Variants in CLEC4A observed in about 807,000 individuals in gnomAD.
The protein encoded by CLEC4A is C-type lectin domain family 4 member A, also known as C-type (calcium dependent, carbohydrate-recognition domain) lectin, superfamily member 6.
Under a neutral mutation model 32.7 loss-of-function variants are expected in CLEC4A, and 27 were observed. The ratio of observed to expected loss-of-function variants is 0.83; its 90% CI spans 0.61 to 1.14. CLEC4A has a LOEUF of 1.14. CLEC4A is among the 50% of genes most tolerant of loss of function. The pLI is 0.00. For missense variants in CLEC4A, 253 were observed against 274.6 expected, an observed-to-expected ratio of 0.92 and a Z score of 0.55; for synonymous variants, 89 against 93.7, an observed-to-expected ratio of 0.95 and a Z score of 0.29.
chr12:8,115,771 A>T, the CLEC4A span, among the ~76,000 whole-genome samples: 1 of 151,798 alleles, frequency 6.6e-6, no homozygotes, highest in Non-Finnish European at 1.5e-5. Flanking sequence ...ACCAGATAAT[A>T]TACATATATG....
chr12:8,134,978 T>TTTTTTTTA, intron 3 of CLEC4A: 1 of 305,632 alleles, frequency 3.3e-6, no homozygotes, highest in East Asian at 9.4e-5. Context: ...GAAGCGTTTT[T>TTTTTTTTA]GTTTTTTGTT....
the CLEC4A span, among the ~76,000 whole-genome samples, chr12:8,115,187 GAACAC>G: frequency 3.3e-5 from 5 of 152,128 alleles, no homozygotes; most frequent in Non-Finnish European, 4.4e-5. Context: ...AAATATGTTT[GAACAC>G]CCAAATGTGA....
At chr12:8,113,410 A>G in the CLEC4A span, among the ~76,000 whole-genome samples, 1 of 152,164 alleles carries the variant, frequency 6.6e-6, no homozygotes, top group Admixed American at 6.5e-5. Flanking sequence ...ACATTTTGAC[A>G]AATTTGGCTT....
In CLEC4A at chr12:8,130,320, AT is replaced by A. The variant is rs1326779224; in HGVS notation, c.298+965del. ...ACCATGTGATGAAAATGTGATGATGATTTTTTTATGGATGTGAATTATTTAA... is the reference window on the plus strand; with the variant it reads ...ACCATGTGATGAAAATGTGATGATGATTTTTTATGGATGTGAATTATTTAA... On this transcript the variant is annotated intron_variant, in intron 3 of 5. Coordinates refer to ENST00000229332, the MANE Select transcript of CLEC4A (RefSeq NM_016184.4). Among the ~76,000 whole-genome samples, 7 of 151,878 alleles carry A rather than the reference AT, an allele frequency of 4.6e-5. 1 individual carries two copies. The highest frequency in any genetic ancestry group is 1.3e-4 in the Admixed American group (2 of 15,258).
chr12:8,126,913 CAGAA>C (rs933117983), intron 2 of CLEC4A, among the ~76,000 whole-genome samples: 29 of 152,182 alleles, frequency 1.9e-4, no homozygotes, highest in African/African-American at 6.7e-4. Context: ...TTGTAGGTGG[CAGAA>C]AGAAACAGGA....
At chr12:8,135,512 T>C (rs1332445517) in intron 3 of CLEC4A, 73 bp from the exon 4 acceptor site, 1 of 1,507,488 alleles carries the variant, frequency 6.6e-7, no homozygotes, top group Non-Finnish European at 9.0e-7. Context: ...TCTTGGCTCT[T>C]AATTTTAATA....
chr12:8,136,724 G>A, intron 4 of CLEC4A, 64 bp from the exon 5 acceptor site: 1 of 946,700 alleles, frequency 1.1e-6, no homozygotes, highest in Non-Finnish European at 1.7e-6. Flanking sequence ...TTTCTCTAAG[G>A]TATTAAGAAT....
At chr12:8,104,604 G>A in the CLEC4A span, among the ~76,000 whole-genome samples, 1 of 152,064 alleles carries the variant, frequency 6.6e-6, no homozygotes, top group Non-Finnish European at 1.5e-5. Context: ...TAGATTCAGA[G>A]GTATATATGC....
the CLEC4A span, among the ~76,000 whole-genome samples, chr12:8,105,153 C>T: frequency 1.2e-4 from 18 of 152,250 alleles, no homozygotes; most frequent in South Asian, 4.1e-4. Context: ...GAAATCACCA[C>T]GCTACTTTCT....
intron 1 of CLEC4A, 86 bp from the exon 2 acceptor site, chr12:8,125,475 A>G (rs1418291599): frequency 5.3e-6 from 4 of 760,240 alleles, no homozygotes; most frequent in Non-Finnish European, 9.4e-6. Context: ...GTGTCATCCA[A>G]GAAAAGAGAG....
upstream of CLEC4A, among the ~76,000 whole-genome samples, chr12:8,122,732 A>G (rs1222159517): frequency 2.0e-5 from 3 of 152,150 alleles, no homozygotes; most frequent in Non-Finnish European, 2.9e-5. Context: ...TTGTGGTGTT[A>G]GATTGGAATT....
chr12:8,111,937 GTGTGT>G, the CLEC4A span, among the ~76,000 whole-genome samples: 10 of 148,452 alleles, frequency 6.7e-5, 1 homozygote, highest in Admixed American at 1.3e-4. Flanking sequence ...GTGTGTGTGT[GTGTGT>G]GTGTGTGTGT....
At chr12:8,121,054 G>A (rs775407428), upstream of CLEC4A, 1 of 152,334 alleles carries the variant, frequency 6.6e-6, no homozygotes, top group South Asian at 2.1e-4. Flanking sequence ...ACTTGGAGAG[G>A]GGCCAAGCAG....
At chr12:8,122,921 A>G (rs775215165), upstream of CLEC4A, among the ~76,000 whole-genome samples, 6 of 152,072 alleles carry the variant, frequency 3.9e-5, no homozygotes, top group Admixed American at 6.6e-5. Context: ...AGGGCAGAGA[A>G]TCCAGGTGTG....
chr12:8,137,315 G>A (rs1371176986), intron 5 of CLEC4A, among the ~76,000 whole-genome samples: 2 of 151,890 alleles, frequency 1.3e-5, no homozygotes, highest in Non-Finnish European at 2.9e-5. Context: ...GTCTTACTCT[G>A]TCAACCAGGC....
At chr12:8,103,381 T>G in the CLEC4A span, among the ~76,000 whole-genome samples, 2 of 106,048 alleles carry the variant, frequency 1.9e-5, no homozygotes, top group Non-Finnish European at 3.8e-5. Flanking sequence ...CTGTTGTTTT[T>G]TTTTTTTTTT....
rs997625670 is a variant in CLEC4A at position 8,123,661 on chromosome 12, A to T, written c.-218A>T. ...GATTCTCACTATACTGGTCCTGAGGAAAGGGCTTCTGTGAACTGCGGTTTT... is the reference window on the plus strand; with the variant it reads ...GATTCTCACTATACTGGTCCTGAGGTAAGGGCTTCTGTGAACTGCGGTTTT... On this transcript the variant is annotated 5_prime_UTR_variant, in exon 1 of 6. Coordinates refer to ENST00000229332, the MANE Select transcript of CLEC4A (RefSeq NM_016184.4). 1.9e-6 allele frequency: 1 copy of T among 518,660 alleles called. No homozygotes were observed. The highest frequency in any genetic ancestry group is 1.9e-5 in the African/African-American group (1 of 51,718). 32.1% of individuals were successfully genotyped at this position (518,660 alleles called of 1,614,324 possible).
intron 5 of CLEC4A, among the ~76,000 whole-genome samples, 163 bp downstream of exon 5, chr12:8,137,066 T>TA (rs1304793264): frequency 6.6e-6 from 1 of 152,202 alleles, no homozygotes; most frequent in Non-Finnish European, 1.5e-5. Context: ...GCAAGAACCC[T>TA]ATGAGGCACA....
chr12:8,123,585 C>T (rs1478526848), upstream of CLEC4A: 10 of 254,160 alleles, frequency 3.9e-5, no homozygotes, highest in Non-Finnish European at 6.7e-5. Context: ...TTTCCGCAAC[C>T]CTTTGAGTTC....
Sources: allele counts gnomAD v4.1 joint callset (sites outside exome capture counted in the v4.1 genomes callset), GRCh38; gene constraint gnomAD v4.1.1; transcripts MANE v1.5; gene names NCBI Gene and HGNC (gene_info 2026-07-23, HGNC 2026-07-21).